The following PCDH15 variants were observed in gnomAD, a reference collection of about 807,000 sequenced individuals.
PCDH15 encodes the protein protocadherin-15.
A neutral mutation model predicts 178.5 loss-of-function variants in PCDH15; 129 were observed. The ratio of observed to expected loss-of-function variants is 0.72; its 90% CI spans 0.63 to 0.84. PCDH15 has a LOEUF of 0.84. PCDH15 is among the 40% of genes least tolerant of loss of function. PCDH15 has a pLI of 0.00. For synonymous variants in PCDH15, 800 were observed against 732.0 expected (o/e 1.09, Z -1.50); for missense variants, 2,230 against 2,099.9 (o/e 1.06, Z -1.21).
intron 10 of PCDH15, among the ~76,000 whole-genome samples, chr10:54,205,481 T>TGTGTG (rs2050698469): frequency 7.4e-6 from 1 of 135,088 alleles, no homozygotes; most frequent in African/African-American, 2.8e-5. Flanking sequence ...TATATTTCCT[T>TGTGTG]TGTGTGTGTG....
At chr10:54,167,696 T>C (rs578036746) in intron 13 of PCDH15, among the ~76,000 whole-genome samples, 37 of 130,610 alleles carry the variant, frequency 2.8e-4, no homozygotes, top group Admixed American at 1.7e-3. Context: ...TAGCAGCAAG[T>C]CCCGCTTTTC....
chr10:55,057,438 G>A (rs1042638670), intron 2 of PCDH15, among the ~76,000 whole-genome samples: 2 of 151,974 alleles, frequency 1.3e-5, no homozygotes, highest in Non-Finnish European at 2.9e-5. Flanking sequence ...TTATTAATAA[G>A]GTTGAATAAT....
chr10:55,177,159 A>C (rs1331987594), intron 1 of PCDH15, among the ~76,000 whole-genome samples: 1 of 152,134 alleles, frequency 6.6e-6, no homozygotes, highest in Non-Finnish European at 1.5e-5. Flanking sequence ...GATTAAGCTC[A>C]TCTCCTCCTT....
At chr10:54,315,646 GT>G (rs2061204451) in intron 8 of PCDH15, among the ~76,000 whole-genome samples, 1 of 152,048 alleles carries the variant, frequency 6.6e-6, no homozygotes, top group Admixed American at 6.6e-5. Flanking sequence ...GTCCTCCAGG[GT>G]TTTTCTAGTT....
chr10:53,891,048 A>C (rs2081521280), intron 26 of PCDH15, among the ~76,000 whole-genome samples: 1 of 151,548 alleles, frequency 6.6e-6, no homozygotes, highest in Admixed American at 6.6e-5. Context: ...AGATACATTT[A>C]TAGAAGTATG....
rs545167556 is a variant in PCDH15, at chr10:55,316,055, T to C, written c.-156+3544A>G. Among the ~76,000 whole-genome samples, 6 of 152,260 alleles carry C rather than the reference T, an allele frequency of 3.9e-5. No individual in the cohort carries two copies. The East Asian group carries it at 9.6e-4, about 24-fold the overall frequency. On this transcript the variant is annotated intron_variant, in intron 1 of 5. Transcript: ENST00000458638. Reference sequence around the variant, plus strand: ...CAAAATAAAAAATACAAAATGTTTCTAATCAAAAGGACTCACACAAAAGTT... The same window carrying C: ...CAAAATAAAAAATACAAAATGTTTCCAATCAAAAGGACTCACACAAAAGTT...
intron 1 of PCDH15, among the ~76,000 whole-genome samples, chr10:54,717,368 A>G (rs2095493637): frequency 7.8e-6 from 1 of 128,808 alleles, no homozygotes; most frequent in African/African-American, 3.1e-5. Flanking sequence ...TCATCTGACA[A>G]AGGGCTAATA....
chr10:54,255,274 T>C (rs1399865738), intron 8 of PCDH15, among the ~76,000 whole-genome samples: 1 of 152,168 alleles, frequency 6.6e-6, no homozygotes, highest in Non-Finnish European at 1.5e-5. Flanking sequence ...AGAGAGGTGG[T>C]GACCAGTGTT....
At chr10:55,300,589 A>T (rs1344315102) in intron 1 of PCDH15, among the ~76,000 whole-genome samples, 2 of 152,138 alleles carry the variant, frequency 1.3e-5, no homozygotes, top group Non-Finnish European at 2.9e-5. Flanking sequence ...TTACATCAAC[A>T]TTTTCATATT....
chr10:54,713,933 A>T (rs1214446687), intron 1 of PCDH15, among the ~76,000 whole-genome samples: 4 of 152,156 alleles, frequency 2.6e-5, no homozygotes, highest in African/African-American at 9.6e-5. Flanking sequence ...CAAATGGCTC[A>T]CATTAATTCT....
intron 15 of PCDH15, among the ~76,000 whole-genome samples, chr10:54,116,469 A>T (rs560314182): frequency 6.6e-6 from 1 of 152,342 alleles, no homozygotes; most frequent in East Asian, 1.9e-4. Flanking sequence ...TTCAATTGCA[A>T]GATATAATGG....
chr10:55,545,271 C>CTT (rs35082183), intron 2 of PCDH15, among the ~76,000 whole-genome samples: 73 of 141,040 alleles, frequency 5.2e-4, no homozygotes, highest in South Asian at 3.6e-3. Flanking sequence ...TGCTCAGTTC[C>CTT]TTTTTTTTTT....
chr10:55,194,835 C>T (rs568797166), intron 1 of PCDH15, among the ~76,000 whole-genome samples: 1 of 151,280 alleles, frequency 6.6e-6, no homozygotes. Flanking sequence ...AAAAAAAAAT[C>T]AATTATTTCC....
At chr10:54,795,562 C>A (rs1383434468) in intron 1 of PCDH15, among the ~76,000 whole-genome samples, 2 of 151,844 alleles carry the variant, frequency 1.3e-5, no homozygotes, top group South Asian at 4.1e-4. Context: ...AATATGTATT[C>A]TTTCATCAAA....
Position 53,959,732 on chromosome 10 carries a change from C to T in PCDH15, c.3122G>A (p.Arg1041Lys). ...TTCAAAATCGGACAGAAATCAATAC[C>T]TATATTCCTCCTGTGTGAAGCGTGG... ...EIPRFTQEEYRPPPVSELATK... is the reference protein window; with the variant it reads ...EIPRFTQEEYKPPPVSELATK... Residue 1041 changes from arginine (R) to lysine (K), a missense_variant and splice_region_variant, in exon 23 of 38, where the codon AGA becomes AAA. By Grantham distance (26) the Arg-to-Lys change is conservative. Transcript: ENST00000644397. 1 of 1,606,842 alleles carries T rather than the reference C, an allele frequency of 6.2e-7. No homozygotes were observed. Among genetic ancestry groups the T allele is most frequent in the Non-Finnish European group, 8.5e-7 (1 of 1,173,514 alleles).
At chr10:54,662,805 G>A (rs1343002950) in intron 2 of PCDH15, among the ~76,000 whole-genome samples, 1 of 151,930 alleles carries the variant, frequency 6.6e-6, no homozygotes, top group Non-Finnish European at 1.5e-5. Context: ...CCAATACATT[G>A]ATTTCCAATC....
intron 2 of PCDH15, among the ~76,000 whole-genome samples, chr10:54,631,481 T>A (rs1298061425): frequency 6.6e-6 from 1 of 152,172 alleles, no homozygotes; most frequent in African/African-American, 2.4e-5. Flanking sequence ...GTTCAGCCTC[T>A]GTGGAAAGCA....
At chr10:54,320,454 G>A (rs1490820269) in intron 7 of PCDH15, among the ~76,000 whole-genome samples, 4 of 151,912 alleles carry the variant, frequency 2.6e-5, no homozygotes, top group Admixed American at 6.6e-5. Flanking sequence ...AGTAGAGTAG[G>A]AGCAACATGT....
intron 15 of PCDH15, among the ~76,000 whole-genome samples, chr10:54,124,646 T>C (rs780138298): frequency 1.3e-5 from 2 of 152,198 alleles, no homozygotes; most frequent in African/African-American, 2.4e-5. Flanking sequence ...ATCCTTGTAA[T>C]ACACGTGACA....
Sources: gnomAD v4.1 joint callset for allele counts (sites outside exome capture counted in the v4.1 genomes callset) on GRCh38, gnomAD v4.1.1 for gene constraint, MANE v1.5 for transcripts, NCBI Gene and HGNC (gene_info 2026-07-23, HGNC 2026-07-21) for gene names.